The following OR7A5 variants were observed in gnomAD, a reference collection of about 807,000 sequenced individuals.
OR7A5 encodes the protein olfactory receptor 7A5.
For synonymous variants in OR7A5, 140 were observed against 146.7 expected, an observed-to-expected ratio of 0.95 and a Z score of 0.33; for missense variants, 319 against 377.9, an observed-to-expected ratio of 0.84 and a Z score of 1.29.
At position 14,828,113 on chromosome 19, in the gene OR7A5, C is replaced by T. The variant is rs760872641; in HGVS notation, c.129G>A (p.Leu43=). Residue 43 remains leucine (L), a synonymous_variant, in exon 2 of 2, where the codon CTG becomes CTA. Coordinates refer to ENST00000322301, the MANE Select transcript of OR7A5 (RefSeq NM_017506.2). ...CTGAGATTGTGGCCAGGATGATGAG[C>T]AGGTTCCCGAGCACAGTGACCAGGT... ...SMYLVTVLGN[L]LIILATISDS... is the part of the protein sequence containing the mutation. 8 of 1,614,086 alleles carry T rather than the reference C, an allele frequency of 5.0e-6. No individual in the cohort carries two copies. Among genetic ancestry groups the T allele is most frequent in the East Asian group, 2.2e-5 (1 of 44,872 alleles).
At position 14,827,851 on chromosome 19, in the gene OR7A5, G is replaced by A; in HGVS notation, c.391C>T (p.His131Tyr). ...TGAGGGTTCATAATGACCATGTAGTGCAGGGGGTGACAGATGGCCACAAAC... is the reference window on the plus strand; with the variant it reads ...TGAGGGTTCATAATGACCATGTAGTACAGGGGGTGACAGATGGCCACAAAC... ...DRFVAICHPL[H>Y]YMVIMNPHLC... is the part of the protein sequence containing the mutation. Residue 131 changes from histidine (H) to tyrosine (Y), a missense_variant, in exon 2 of 2, where the codon CAC becomes TAC. By Grantham distance (83) the His-to-Tyr change is moderately conservative. Coordinates refer to ENST00000322301, the MANE Select transcript of OR7A5 (RefSeq NM_017506.2). 6.2e-7 allele frequency: 1 copy of A among 1,614,186 alleles called. No homozygotes were observed. Among genetic ancestry groups the A allele is most frequent in the African/African-American group, 1.3e-5 (1 of 75,046 alleles).
chr19:14,828,397 G>A (rs1568254111), intron 1 of OR7A5, 143 bp from the exon 2 acceptor site: 4 of 811,340 alleles, frequency 4.9e-6, no homozygotes, highest in East Asian at 2.7e-5. Flanking sequence ...GGATCTCCAT[G>A]TCATCTCTGA....
chr19:14,833,787 A>T (rs1233120600), intron 1 of OR7A5, among the ~76,000 whole-genome samples: 4 of 152,176 alleles, frequency 2.6e-5, no homozygotes, highest in Non-Finnish European at 5.9e-5. Flanking sequence ...TATTTTAAGA[A>T]AACAGTAAGA....
rs1335092927 is a variant in OR7A5, at chr19:14,827,137, T to A, written c.*145A>T. On this transcript the variant is annotated 3_prime_UTR_variant, in exon 2 of 2. Transcript: ENST00000322301. ...GAGCAGAAAGCTTAATAAAAGGAGT[T>A]GCTTAAATTCTACAAGACCAGTTGA... The A allele has an allele frequency of 2.7e-6, 2 of 752,610 alleles. No homozygotes were observed. The highest frequency in any genetic ancestry group is 3.8e-6 in the Non-Finnish European group (2 of 519,514). The allele number at this position is 752,610 out of a possible 1,614,324, so 46.6% of individuals were successfully genotyped here.
chr19:14,834,002 G>T (rs1308748893), intron 1 of OR7A5, among the ~76,000 whole-genome samples: 2 of 123,550 alleles, frequency 1.6e-5, no homozygotes, highest in Non-Finnish European at 3.6e-5. Flanking sequence ...GCACACGTCT[G>T]CAATCCTAGC....
chr19:14,831,975 C>CAT (rs1342778703), intron 1 of OR7A5, among the ~76,000 whole-genome samples: 1 of 152,154 alleles, frequency 6.6e-6, no homozygotes, highest in South Asian at 2.1e-4. Flanking sequence ...GTGGTGCAAT[C>CAT]ATAGCTCACT....
chr19:14,827,516 T>C lies in OR7A5; in HGVS notation c.726A>G (p.Ala242=), dbSNP rs1461125992. 2 of 1,614,154 alleles carry C rather than the reference T, an allele frequency of 1.2e-6. No homozygotes were observed. Among genetic ancestry groups the C allele is most frequent in the Admixed American group, 3.3e-5 (2 of 60,014 alleles). ...ATAAGGAGACAACTGAGAGGTGAGA[T>C]GCACAGGTGGAAAATGCCTTGTACT... is the stretch of plus-strand genomic sequence containing the variant. ...QGKYKAFSTC[A]SHLSVVSLFY... Residue 242 remains alanine, a synonymous_variant, in exon 2 of 2, where the codon GCA becomes GCG. Coordinates refer to ENST00000322301, the MANE Select transcript of OR7A5 (RefSeq NM_017506.2).
At chr19:14,830,787 G>T (rs938880854) in intron 1 of OR7A5, among the ~76,000 whole-genome samples, 1 of 152,152 alleles carries the variant, frequency 6.6e-6, no homozygotes, top group African/African-American at 2.4e-5. Flanking sequence ...AAAAAGAGAA[G>T]ATAGATAAGC....
In OR7A5 at chr19:14,827,631, G is replaced by A. The variant is rs143093089; in HGVS notation, c.611C>T (p.Ala204Val). ...AGTCAGGGGACCTCCACCCAGCAGC[G>A]CAACTGTAAAATATATCACCATGTG... ...LNHMVIYFTV[A>V]LLGGGPLTGI... Residue 204 changes from alanine (A) to valine (V), a missense_variant, in exon 2 of 2, where the codon GCG (alanine) becomes GTG (valine). Coordinates refer to ENST00000322301, the MANE Select transcript of OR7A5 (RefSeq NM_017506.2). 4.2e-5 allele frequency: 67 copies of A among 1,614,130 alleles called. No homozygotes were observed. Among genetic ancestry groups the A allele is most frequent in the Admixed American group, 2.0e-4 (12 of 60,004 alleles).
In OR7A5 at chr19:14,826,616, T is replaced by C. The variant is rs1056698254; in HGVS notation, c.*666A>G. The C allele has an allele frequency of 2.2e-4, 33 of 152,222 alleles. No individual in the cohort carries two copies. Among genetic ancestry groups the C allele is most frequent in the African/African-American group, 7.7e-4 (32 of 41,464 alleles). 9.4% of individuals were successfully genotyped at this position (152,222 alleles called of 1,614,324 possible). On this transcript the variant is annotated 3_prime_UTR_variant, in exon 2 of 2. Coordinates refer to ENST00000322301, the MANE Select transcript of OR7A5 (RefSeq NM_017506.2). ...TGATTGACAATTTTACTCCATCATA[T>C]TTAAGGTCATCTCTGACTGTAAGTC...
At position 14,827,290 on chromosome 19, in the gene OR7A5, A is replaced by C. The variant is rs769033321; in HGVS notation, c.952T>G (p.Cys318Gly). ...GTMKGQFFKK[C>G]P The stretch of plus-strand genomic sequence containing the variant: ...AGCTTAGAGCCCTGCAATCATGGGC[A>C]CTTCTTGAAAAATTGCCCTTTCATT... The change falls in exon 2 of 2, where the codon TGC (cysteine) becomes GGC (glycine). Residue 318 changes from cysteine to glycine, a missense_variant. Coordinates refer to ENST00000322301, the MANE Select transcript of OR7A5 (RefSeq NM_017506.2). 6.5e-7 allele frequency: 1 copy of C among 1,547,916 alleles called. No homozygotes were observed. Among genetic ancestry groups the C allele is most frequent in the South Asian group, 1.3e-5 (1 of 77,744 alleles).
intron 1 of OR7A5, among the ~76,000 whole-genome samples, 151 bp downstream of exon 1, chr19:14,834,923 C>G (rs981874882): frequency 2.0e-5 from 3 of 152,204 alleles, no homozygotes; most frequent in African/African-American, 4.8e-5. Context: ...CGAGACATTA[C>G]TTAGTTAATT....
chr19:14,828,168 G>A lies in OR7A5; in HGVS notation c.74C>T (p.Pro25Leu), dbSNP rs1324957865. The change falls in exon 2 of 2, where the codon CCC becomes CTC. Residue 25 changes from proline (P) to leucine (L), a missense_variant. Physicochemically the swap from Pro to Leu is moderately conservative, Grantham distance 98. Transcript: ENST00000322301. The part of the protein sequence containing the change: ...LGFSQEPGLQ[P>L]FLFGLFLSMY... The stretch of plus-strand genomic sequence containing the variant: ...GGACAGGAACAGCCCAAAGAGGAAG[G>A]GTTGCAGTCCAGGTTCTTGTGAAAA... 1.2e-6 allele frequency: 2 copies of A among 1,614,082 alleles called. No homozygotes were observed. The highest frequency in any genetic ancestry group is 1.3e-5 in the African/African-American group (1 of 75,006).
chr19:14,826,692 C>A lies in OR7A5; in HGVS notation c.*590G>T, dbSNP rs2044771001. 6.6e-6 allele frequency: 1 copy of A among 152,208 alleles called. No individual in the cohort carries two copies. The highest frequency in any genetic ancestry group is 1.5e-5 in the Non-Finnish European group (1 of 68,056). 9.4% of individuals were successfully genotyped at this position (152,208 alleles called of 1,614,324 possible). A position where few individuals can be genotyped will look rare whatever the true frequency, so the allele number is the denominator to read the frequency against. ...AGTTTGTCTTTCAGTGGGCATTGCA[C>A]TCGGAACATATTTTTGATAAACAAT... On this transcript the variant is annotated 3_prime_UTR_variant, in exon 2 of 2. Coordinates refer to ENST00000322301, the MANE Select transcript of OR7A5 (RefSeq NM_017506.2).
intron 1 of OR7A5, among the ~76,000 whole-genome samples, chr19:14,834,285 A>C (rs1385250397): frequency 2.0e-5 from 3 of 152,154 alleles, no homozygotes; most frequent in Non-Finnish European, 4.4e-5. Context: ...GTCTCAAAGA[A>C]AAAACAAACA....
chr19:14,834,218 T>C (rs554830308), intron 1 of OR7A5, among the ~76,000 whole-genome samples: 1 of 152,276 alleles, frequency 6.6e-6, no homozygotes, highest in South Asian at 2.1e-4. Context: ...GCTGAGATCA[T>C]GCTACTGCAT....
chr19:14,828,586 C>G (rs1204605961), intron 1 of OR7A5, among the ~76,000 whole-genome samples: 1 of 151,746 alleles, frequency 6.6e-6, no homozygotes, highest in Non-Finnish European at 1.5e-5. Context: ...TGGTGAAACC[C>G]TGTCTCTAGT....
rs1402569483 is a variant in OR7A5, at chr19:14,827,529, A to G, written c.713T>C (p.Phe238Ser). The G allele has an allele frequency of 6.2e-7, 1 of 1,614,136 alleles. No individual in the cohort carries two copies. Among genetic ancestry groups the G allele is most frequent in the East Asian group, 2.2e-5 (1 of 44,888 alleles). Reference sequence around the variant, plus strand: ...TGAGAGGTGAGATGCACAGGTGGAAAATGCCTTGTACTTCCCCTGAGCTGA... The same window carrying G: ...TGAGAGGTGAGATGCACAGGTGGAAGATGCCTTGTACTTCCCCTGAGCTGA... ...ISSAQGKYKAFSTCASHLSVV... is the reference protein window; with the variant it reads ...ISSAQGKYKASSTCASHLSVV... The change falls in exon 2 of 2, where the codon TTT (phenylalanine) becomes TCT (serine). Residue 238 changes from phenylalanine to serine, a missense_variant. Coordinates refer to ENST00000322301, the MANE Select transcript of OR7A5 (RefSeq NM_017506.2).
chr19:14,829,288 C>T (rs2044807935), intron 1 of OR7A5, among the ~76,000 whole-genome samples: 1 of 152,232 alleles, frequency 6.6e-6, no homozygotes, highest in South Asian at 2.1e-4. Flanking sequence ...ACTGCAACCT[C>T]CACCTCCCAG....
Sources: allele counts gnomAD v4.1 joint callset (sites outside exome capture counted in the v4.1 genomes callset), GRCh38; gene constraint gnomAD v4.1.1; transcripts MANE v1.5; gene names NCBI Gene and HGNC (gene_info 2026-07-23, HGNC 2026-07-21).